Variants in PDLIM5 observed in about 807,000 individuals in gnomAD.
PDLIM5 encodes PDZ and LIM domain protein 5.
A neutral mutation model predicts 64.2 loss-of-function variants in PDLIM5; 34 were observed. That is an observed-to-expected ratio of 0.53 (90% CI 0.40 to 0.71). The LOEUF (loss-of-function observed/expected upper bound fraction) is 0.71, where lower values mean the gene tolerates loss of function less well. Among genes scored for constraint, PDLIM5 ranks in the 30% least tolerant of loss-of-function variants. The probability of loss-of-function intolerance (pLI) is 0.00; values close to 1 mark genes in which losing one functional copy is unlikely to be tolerated. For missense variants in PDLIM5, 683 were observed against 733.6 expected, an observed-to-expected ratio of 0.93 and a Z score of 0.80; for synonymous variants, 253 against 269.1, an observed-to-expected ratio of 0.94 and a Z score of 0.59.
At chr4:94,648,786 T>C (rs1460747499) in intron 9 of PDLIM5, among the ~76,000 whole-genome samples, 1 of 152,182 alleles carries the variant, frequency 6.6e-6, no homozygotes, top group Admixed American at 6.5e-5. Flanking sequence ...GACGTCCTTA[T>C]AGGCCGTCCC....
intron 2 of PDLIM5, among the ~76,000 whole-genome samples, chr4:94,459,772 A>G (rs1723710007): frequency 6.6e-6 from 1 of 152,204 alleles, no homozygotes; most frequent in South Asian, 2.1e-4. Context: ...TTCCTTTAGG[A>G]GAAGTTAATT....
At chr4:94,614,317 G>C (rs1465722866) in intron 7 of PDLIM5, among the ~76,000 whole-genome samples, 1 of 151,940 alleles carries the variant, frequency 6.6e-6, no homozygotes, top group Admixed American at 6.6e-5. Context: ...GTCTTGCCGT[G>C]TTGCCCAGGC....
intron 11 of PDLIM5, among the ~76,000 whole-genome samples, chr4:94,658,907 T>A (rs936653255): frequency 6.6e-5 from 10 of 152,336 alleles, no homozygotes; most frequent in African/African-American, 2.4e-4. Context: ...TGTTTGTTTG[T>A]TTGTTTGGTT....
chr4:94,452,228 C>T (rs1197184449), intron 1 of PDLIM5, among the ~76,000 whole-genome samples: 2 of 152,174 alleles, frequency 1.3e-5, no homozygotes, highest in Non-Finnish European at 2.9e-5. Context: ...CCGCATGAGG[C>T]CAGAGGGCGA....
intron 2 of PDLIM5, among the ~76,000 whole-genome samples, chr4:94,466,131 C>A (rs1329281620): frequency 1.3e-5 from 2 of 151,990 alleles, no homozygotes; most frequent in African/African-American, 2.4e-5. Flanking sequence ...CCATGCCTGG[C>A]TAATTCTTTA....
At chr4:94,482,831 C>G (rs1463062252) in intron 2 of PDLIM5, among the ~76,000 whole-genome samples, 2 of 152,044 alleles carry the variant, frequency 1.3e-5, no homozygotes, top group African/African-American at 4.8e-5. Flanking sequence ...CAAGGCTGCC[C>G]TGAGCCATGA....
intron 2 of PDLIM5, among the ~76,000 whole-genome samples, chr4:94,515,684 A>G (rs1379603421): frequency 6.6e-6 from 1 of 152,240 alleles, no homozygotes; most frequent in Non-Finnish European, 1.5e-5. Context: ...ATGCTTGCAC[A>G]GAATTTGCAT....
At chr4:94,661,821 TC>T (rs1292870675) in intron 11 of PDLIM5, among the ~76,000 whole-genome samples, 7 of 151,510 alleles carry the variant, frequency 4.6e-5, no homozygotes, top group African/African-American at 1.7e-4. Flanking sequence ...ACAGAACAGT[TC>T]TTTTTTTTTT....
intron 5 of PDLIM5, among the ~76,000 whole-genome samples, chr4:94,585,267 T>A (rs1266350682): frequency 6.6e-6 from 1 of 152,024 alleles, no homozygotes; most frequent in Admixed American, 6.5e-5. Flanking sequence ...ATTTTTTGTA[T>A]TTTTAGCAGA....
chr4:94,582,534 A>G, intron 5 of PDLIM5: 1 of 531,718 alleles, frequency 1.9e-6, no homozygotes, highest in Admixed American at 3.7e-5. Flanking sequence ...GTGTTTACAT[A>G]ATTATTTTGA....
intron 7 of PDLIM5, among the ~76,000 whole-genome samples, chr4:94,612,264 A>G (rs1216881389): frequency 6.6e-6 from 1 of 152,150 alleles, no homozygotes; most frequent in Non-Finnish European, 1.5e-5. Flanking sequence ...ATATATATAT[A>G]TTTACCTATT....
At chr4:94,491,464 G>A (rs1430602054) in intron 2 of PDLIM5, among the ~76,000 whole-genome samples, 2 of 151,960 alleles carry the variant, frequency 1.3e-5, no homozygotes, top group Non-Finnish European at 2.9e-5. Context: ...AATCTCTTTG[G>A]AATGTATCTT....
chr4:94,473,833 CT>C (rs1725089778), intron 2 of PDLIM5, among the ~76,000 whole-genome samples: 1 of 152,044 alleles, frequency 6.6e-6, no homozygotes, highest in Non-Finnish European at 1.5e-5. Context: ...ATTCTTGGTA[CT>C]GTTGTTTGAT....
chr4:94,559,954 A>G (rs1309886448), intron 3 of PDLIM5, among the ~76,000 whole-genome samples: 10 of 152,160 alleles, frequency 6.6e-5, no homozygotes. Context: ...AAATTTTAAT[A>G]TGTTGGATTT....
chr4:94,523,946 A>T, intron 3 of PDLIM5, 71 bp downstream of exon 3: 9 of 1,103,008 alleles, frequency 8.2e-6, no homozygotes, highest in Non-Finnish European at 1.1e-5. Flanking sequence ...TGTCTGACTC[A>T]CGGTGTTAAC....
intron 7 of PDLIM5, among the ~76,000 whole-genome samples, chr4:94,613,960 C>CTTTTTTT (rs759120575): frequency 8.0e-6 from 1 of 124,348 alleles, no homozygotes; most frequent in Non-Finnish European, 1.6e-5. Context: ...ACTTTTAATC[C>CTTTTTTT]TTTTTTTTTT....
chr4:94,538,041 A>G (rs1432881473), intron 3 of PDLIM5, among the ~76,000 whole-genome samples: 1 of 152,212 alleles, frequency 6.6e-6, no homozygotes, highest in Non-Finnish European at 1.5e-5. Flanking sequence ...GTCATTTCAA[A>G]TGCCGTGGAA....
At chr4:94,528,495 G>A (rs1730573106) in intron 3 of PDLIM5, among the ~76,000 whole-genome samples, 1 of 152,058 alleles carries the variant, frequency 6.6e-6, no homozygotes, top group African/African-American at 2.4e-5. Context: ...CTCTTTAAGA[G>A]CAAAAACCAT....
chr4:94,631,836 T>A (rs1740173476), intron 8 of PDLIM5, among the ~76,000 whole-genome samples: 1 of 152,240 alleles, frequency 6.6e-6, no homozygotes, highest in African/African-American at 2.4e-5. Context: ...TTATTTGCTT[T>A]CCGCCTAAGG....
Sources: gnomAD v4.1 joint callset for allele counts (sites outside exome capture counted in the v4.1 genomes callset) on GRCh38, gnomAD v4.1.1 for gene constraint, MANE v1.5 for transcripts, NCBI Gene and HGNC (gene_info 2026-07-23, HGNC 2026-07-21) for gene names.